Variants in SDHA observed in about 807,000 individuals in gnomAD.
SDHA encodes the protein succinate dehydrogenase complex flavoprotein subunit A.
A neutral mutation model predicts 78.4 loss-of-function variants in SDHA; 48 were observed. The observed-to-expected ratio is 0.61, with a 90% CI of 0.49 to 0.78. The LOEUF is 0.78. SDHA is among the 30% of genes least tolerant of loss of function. The pLI is 0.00. For synonymous variants in SDHA, 326 were observed against 353.9 expected (o/e 0.92, Z 0.88); for missense variants, 680 against 892.7 (o/e 0.76, Z 3.04).
rs1579438883 is a variant in SDHA at position 251,371 on chromosome 5, T to C, written c.1697T>C (p.Leu566Pro). The C allele has an allele frequency of 6.2e-7, 1 of 1,613,776 alleles. No homozygotes were observed. The highest frequency in any genetic ancestry group is 8.5e-7 in the Non-Finnish European group (1 of 1,179,800). The change falls in exon 13 of 15, where the codon CTG becomes CCG. Residue 566 changes from leucine (L) to proline (P), a missense_variant. Leu to Pro is a moderately conservative substitution (Grantham distance 98, BLOSUM62 -3). Coordinates refer to ENST00000264932, the MANE Select transcript of SDHA (RefSeq NM_004168.4). Reference protein sequence around the residue: ...MVWNTDLVETLELQNLMLCAL... With the variant: ...MVWNTDLVETPELQNLMLCAL... ...TGGAACACGGACCTGGTGGAGACCC[T>C]GGAGCTGCAGAACCTGATGCTGTGT...
At chr5:249,628 C>T (rs1267945524) in intron 11 of SDHA, 1 of 152,396 alleles carries the variant, frequency 6.6e-6, no homozygotes, top group Non-Finnish European at 1.5e-5. Context: ...AATCTTATCA[C>T]TGGCTTGCTG....
chr5:244,941 G>C (rs1561005196), intron 11 of SDHA, among the ~76,000 whole-genome samples: 1 of 152,208 alleles, frequency 6.6e-6, no homozygotes. Flanking sequence ...TGCAGGGTTT[G>C]AAAGAAGTGC....
chr5:227,090 T>A, intron 5 of SDHA, among the ~76,000 whole-genome samples: 1 of 152,032 alleles, frequency 6.6e-6, no homozygotes, highest in East Asian at 1.9e-4. Context: ...AGCTCACTGC[T>A]ACTTCCACCT....
In SDHA at chr5:256,401, C is replaced by CA. The variant is rs1737194175; in HGVS notation, c.1977dup (p.Ala660SerfsTer47). On this transcript the variant is annotated frameshift_variant, in exon 15 of 15. Coordinates refer to ENST00000264932, the MANE Select transcript of SDHA (RefSeq NM_004168.4). LOFTEE classifies it high-confidence loss of function. ...GAGGCTGACTGTGCCACCGTCCCGC[C>CA]AGCCATTCGCTCCTACTGATGAGAC... 1 of 1,613,386 alleles carries CA rather than the reference C, an allele frequency of 6.2e-7. No homozygotes were observed.
downstream of SDHA, among the ~76,000 whole-genome samples, chr5:259,486 G>C (rs1417299050): frequency 1.4e-4 from 5 of 34,778 alleles, 1 homozygote; most frequent in Admixed American, 2.6e-4. Flanking sequence ...GCATTACCGT[G>C]TGAGCTCCGC....
At chr5:232,366 A>G (rs1458236439) in intron 7 of SDHA, among the ~76,000 whole-genome samples, 1 of 152,086 alleles carries the variant, frequency 6.6e-6, no homozygotes, top group African/African-American at 2.4e-5. Context: ...ATGTGTTACC[A>G]TGCCCAGCTA....
intron 3 of SDHA, 24 bp from the exon 4 acceptor site, chr5:225,395 G>C (rs760604346): frequency 6.2e-7 from 1 of 1,610,870 alleles, no homozygotes; most frequent in Admixed American, 1.7e-5. Flanking sequence ...TTTGTGGCTT[G>C]TAAGGAGTGG....
At chr5:235,591 A>G (rs1451427742) in intron 9 of SDHA, 1 of 529,498 alleles carries the variant, frequency 1.9e-6, no homozygotes, top group South Asian at 2.0e-5. Context: ...ACTTTCCTAT[A>G]TGATCTTGTG....
rs370853909 is a variant in SDHA, at chr5:226,150, G to A, written c.621+103G>A. The A allele has an allele frequency of 1.1e-4, 146 of 1,325,562 alleles. No individual in the cohort carries two copies. The East Asian group carries it at 1.7e-3, about 15-fold the overall frequency. The allele number at this position is 1,325,562 out of a possible 1,614,324, so 82.1% of individuals were successfully genotyped here. On this transcript the variant is annotated intron_variant, in intron 5 of 14. Coordinates refer to ENST00000264932, the MANE Select transcript of SDHA (RefSeq NM_004168.4). ...GCCCAGTGAGTCAGCCAGAGATTAC[G>A]TAAAAAGCAACAGAGAACAGCAGCG...
intron 1 of SDHA, among the ~76,000 whole-genome samples, chr5:222,087 T>C (rs1734749061): frequency 6.6e-6 from 1 of 152,210 alleles, no homozygotes; most frequent in African/African-American, 2.4e-5. Flanking sequence ...AAAGACTTCT[T>C]TCTTAAAATA....
chr5:235,392 G>A (rs1202007481), intron 9 of SDHA, 53 bp downstream of exon 9: 1 of 1,531,924 alleles, frequency 6.5e-7, no homozygotes, highest in South Asian at 1.1e-5. Flanking sequence ...GGACGACGGG[G>A]CCCACCTCGC....
intron 3 of SDHA, chr5:224,815 A>G (rs1734917894): frequency 4.4e-6 from 2 of 456,660 alleles, no homozygotes; most frequent in African/African-American, 4.0e-5. Flanking sequence ...ACACCTTAAG[A>G]AAAGGAGATC....
intron 5 of SDHA, among the ~76,000 whole-genome samples, chr5:227,415 C>T (rs368087134): frequency 6.6e-6 from 1 of 152,146 alleles, no homozygotes; most frequent in Non-Finnish European, 1.5e-5. Context: ...ATATTCTGAA[C>T]GGTATTGATT....
chr5:220,174 T>C, intron 1 of SDHA: 1 of 344,716 alleles, frequency 2.9e-6, no homozygotes. Flanking sequence ...ATTCTGTATT[T>C]ACAACTGCTT....
At chr5:219,458 G>A (rs764230349) in intron 1 of SDHA, among the ~76,000 whole-genome samples, 7 of 152,194 alleles carry the variant, frequency 4.6e-5, no homozygotes, top group Non-Finnish European at 8.8e-5. Context: ...AGGAACCAAG[G>A]CATTCAGCAA....
chr5:236,724 A>T, intron 10 of SDHA, 125 bp downstream of exon 10: 2 of 926,260 alleles, frequency 2.2e-6, no homozygotes, highest in Non-Finnish European at 3.4e-6. Flanking sequence ...AGCAGCCTCA[A>T]CCTCCCGGGC....
Position 247,114 on chromosome 5 carries a change from C to T in SDHA, c.1552-3878C>T, listed in dbSNP as rs553975623. Among the ~76,000 whole-genome samples, 22 of 151,956 alleles carry T rather than the reference C, an allele frequency of 1.4e-4. No individual in the cohort carries two copies. The East Asian group carries it at 3.3e-3, about 23-fold the overall frequency. The stretch of plus-strand genomic sequence containing the variant: ...AATGGTAAAGCTTCTTACTCTGGCT[C>T]GAAAGGTAAAGTTTTCTAGACACCC... On this transcript the variant is annotated intron_variant, in intron 11 of 14. Coordinates refer to ENST00000264932, the MANE Select transcript of SDHA (RefSeq NM_004168.4).
At chr5:222,743 C>T (rs1305999055) in intron 1 of SDHA, among the ~76,000 whole-genome samples, 1 of 152,192 alleles carries the variant, frequency 6.6e-6, no homozygotes, top group Non-Finnish European at 1.5e-5. Context: ...CCAACCTTAG[C>T]ATATGGACAG....
At chr5:223,990 A>G (rs1024084647) in intron 2 of SDHA, among the ~76,000 whole-genome samples, 4 of 151,968 alleles carry the variant, frequency 2.6e-5, no homozygotes, top group African/African-American at 7.3e-5. Flanking sequence ...TAGTGAGCCT[A>G]TCTCTGTTGA....
Sources: allele counts gnomAD v4.1 joint callset (sites outside exome capture counted in the v4.1 genomes callset), GRCh38; gene constraint gnomAD v4.1.1; transcripts MANE v1.5; gene names NCBI Gene and HGNC (gene_info 2026-07-23, HGNC 2026-07-21).